MAN1A2: variants seen among roughly 807,000 people sequenced by gnomAD.
MAN1A2 encodes the protein mannosyl-oligosaccharide 1,2-alpha-mannosidase IB.
Under a neutral mutation model 75.7 loss-of-function variants are expected in MAN1A2, and 26 were observed. The observed-to-expected ratio is 0.34, with a 90% CI of 0.25 to 0.48. MAN1A2 has a LOEUF of 0.48. Ranked by LOEUF, MAN1A2 falls within the 20% of genes least tolerant of loss-of-function variation. The pLI, the probability that MAN1A2 is intolerant of heterozygous loss-of-function variation, is 0.99. For missense variants in MAN1A2, 562 were observed against 775.5 expected (o/e 0.72, Z 3.27); for synonymous variants, 247 against 264.6 (o/e 0.93, Z 0.65).
chr1:117,432,610 A>G (rs1477174955), intron 5 of MAN1A2, among the ~76,000 whole-genome samples: 1 of 152,312 alleles, frequency 6.6e-6, no homozygotes, highest in East Asian at 1.9e-4. Context: ...TATTAATTGA[A>G]TTGGTAATAA....
chr1:117,414,897 T>C (rs1647940165), intron 4 of MAN1A2, 66 bp downstream of exon 4: 13 of 955,038 alleles, frequency 1.4e-5, no homozygotes, highest in Non-Finnish European at 2.2e-5. Context: ...CTAACTGCTA[T>C]GGTCTGAACA....
rs762679101 is a variant in MAN1A2 at position 117,368,271 on chromosome 1, A to G, written c.88A>G (p.Thr30Ala). The change falls in exon 1 of 13, where the codon ACC becomes GCC. Residue 30 changes from threonine (T) to alanine (A), a missense_variant. Around this residue, in one of 2 missense-constraint regions of MAN1A2, gnomAD observed 128 missense variants for 129.8 expected, o/e 0.99. Transcript: ENST00000356554. ...GCCTTCCTTCCCACATCACAGGGCTACCTTGAGACTTTCTGAGAAGTTTAT... is the reference window on the plus strand; with the variant it reads ...GCCTTCCTTCCCACATCACAGGGCTGCCTTGAGACTTTCTGAGAAGTTTAT... Reference protein sequence around the residue: ...GPPSFPHHRATLRLSEKFILL... With the variant: ...GPPSFPHHRAALRLSEKFILL... The G allele has an allele frequency of 1.9e-6, 3 of 1,614,144 alleles. No individual in the cohort carries two copies. Among genetic ancestry groups the G allele is most frequent in the Non-Finnish European group, 2.5e-6 (3 of 1,180,028 alleles).
chr1:117,522,342 T>C (rs1457662370), intron 12 of MAN1A2, among the ~76,000 whole-genome samples: 1 of 151,898 alleles, frequency 6.6e-6, no homozygotes, highest in African/African-American at 2.4e-5. Context: ...GATTTAATGT[T>C]TGAAAATCAA....
chr1:117,503,070 T>C lies in MAN1A2; in HGVS notation c.1793+100T>C, dbSNP rs936666012. The C allele has an allele frequency of 8.5e-6, 5 of 585,398 alleles. No homozygotes were observed. The African/African-American group carries it at 9.8e-5, about 11-fold the overall frequency. The allele number at this position is 585,398 out of a possible 1,614,324, so 36.3% of individuals were successfully genotyped here. A position where few individuals can be genotyped will look rare whatever the true frequency, so the allele number is the denominator to read the frequency against. On this transcript the variant is annotated intron_variant, in intron 12 of 12. Transcript: ENST00000356554. Reference sequence around the variant, plus strand: ...ACTATGTGACAGGTTACACTAAATTTTGTTGTAAATATCTTTTTATGTAAT... The same window carrying C: ...ACTATGTGACAGGTTACACTAAATTCTGTTGTAAATATCTTTTTATGTAAT...
intron 1 of MAN1A2, among the ~76,000 whole-genome samples, chr1:117,390,732 A>G (rs961409970): frequency 1.3e-5 from 2 of 151,548 alleles, no homozygotes; most frequent in African/African-American, 2.4e-5. Context: ...TTTTCCCCCT[A>G]ATATAGATTG....
intron 6 of MAN1A2, among the ~76,000 whole-genome samples, chr1:117,458,504 TATATATAGA>T (rs1649681987): frequency 2.0e-5 from 2 of 101,826 alleles, no homozygotes; most frequent in Non-Finnish European, 3.9e-5. Flanking sequence ...TATCTATATA[TATATATAGA>T]TATATATATA....
At chr1:117,420,724 A>G in intron 5 of MAN1A2, 75 bp downstream of exon 5, 1 of 1,073,674 alleles carries the variant, frequency 9.3e-7, no homozygotes, top group East Asian at 2.4e-5. Flanking sequence ...CAATTTCCCT[A>G]GAAGCATATT....
chr1:117,434,841 A>G (rs944698894), intron 5 of MAN1A2, among the ~76,000 whole-genome samples: 1 of 150,750 alleles, frequency 6.6e-6, no homozygotes, highest in African/African-American at 2.4e-5. Context: ...CCAAGAAATA[A>G]TGGCACCTTG....
chr1:117,424,794 T>C (rs1333531407), intron 5 of MAN1A2, among the ~76,000 whole-genome samples: 1 of 152,162 alleles, frequency 6.6e-6, no homozygotes, highest in Non-Finnish European at 1.5e-5. Context: ...TCTTTGGGAT[T>C]TAGATTTCCC....
chr1:117,466,440 G>T lies in MAN1A2; in HGVS notation c.1168+13G>T, dbSNP rs1327399819. 10 of 1,492,574 alleles carry T rather than the reference G, an allele frequency of 6.7e-6. No individual in the cohort carries two copies. The highest frequency in any genetic ancestry group is 9.2e-6 in the Non-Finnish European group (10 of 1,090,840). The allele number at this position is 1,492,574 out of a possible 1,614,324, so 92.5% of individuals were successfully genotyped here. ...CGCTGGGGTCAGTGTAAGTATTCTAGTATACCTGAGGCTTTCTTAAAAAAT... is the reference window on the plus strand; with the variant it reads ...CGCTGGGGTCAGTGTAAGTATTCTATTATACCTGAGGCTTTCTTAAAAAAT... On this transcript the variant is annotated intron_variant, in intron 8 of 12. Coordinates refer to ENST00000356554, the MANE Select transcript of MAN1A2 (RefSeq NM_006699.5).
chr1:117,458,523 A>ATATATATTTTTTTTTTTTT (rs1553236643), intron 6 of MAN1A2, among the ~76,000 whole-genome samples: 1 of 105,608 alleles, frequency 9.5e-6, no homozygotes, highest in African/African-American at 3.5e-5. Flanking sequence ...ATATATATAT[A>ATATATATTTTTTTTTTTTT]TTTTTTTTTT....
At chr1:117,455,211 G>A (rs1649541287) in intron 6 of MAN1A2, among the ~76,000 whole-genome samples, 1 of 152,116 alleles carries the variant, frequency 6.6e-6, no homozygotes, top group African/African-American at 2.4e-5. Context: ...AGCAATATGG[G>A]TGAATCTCAA....
intron 12 of MAN1A2, among the ~76,000 whole-genome samples, chr1:117,521,504 T>TAATCAAAA (rs1351575985): frequency 6.6e-6 from 1 of 151,760 alleles, no homozygotes. Flanking sequence ...AGAATGGCCA[T>TAATCAAAA]AATCAAAAAA....
At chr1:117,447,904 G>A (rs1355125593) in intron 6 of MAN1A2, among the ~76,000 whole-genome samples, 2 of 152,082 alleles carry the variant, frequency 1.3e-5, no homozygotes, top group Non-Finnish European at 2.9e-5. Flanking sequence ...CTGGCTATCC[G>A]AGCTCTTTTT....
intron 5 of MAN1A2, among the ~76,000 whole-genome samples, chr1:117,431,889 G>T (rs1648683009): frequency 6.6e-6 from 1 of 152,170 alleles, no homozygotes; most frequent in South Asian, 2.1e-4. Flanking sequence ...GGTTGAGTCT[G>T]CAGTGAGCTG....
At chr1:117,413,061 C>T (rs1262544968) in intron 3 of MAN1A2, among the ~76,000 whole-genome samples, 2 of 151,974 alleles carry the variant, frequency 1.3e-5, no homozygotes, top group African/African-American at 4.8e-5. Context: ...AAAGAGAATA[C>T]ATATTCAAGA....
intron 3 of MAN1A2, among the ~76,000 whole-genome samples, chr1:117,407,670 A>G (rs1285081067): frequency 1.3e-5 from 2 of 152,236 alleles, no homozygotes; most frequent in South Asian, 2.1e-4. Context: ...TCCTCTTTAC[A>G]TGCAGATAAC....
chr1:117,415,527 A>G (rs1647963471), intron 4 of MAN1A2, among the ~76,000 whole-genome samples: 1 of 152,200 alleles, frequency 6.6e-6, no homozygotes, highest in Non-Finnish European at 1.5e-5. Context: ...CTAGACAAAA[A>G]TGGTTTACTT....
At chr1:117,474,349 A>T (rs1322844266) in intron 8 of MAN1A2, among the ~76,000 whole-genome samples, 1 of 151,428 alleles carries the variant, frequency 6.6e-6, no homozygotes, top group African/African-American at 2.4e-5. Flanking sequence ...ATAAACGTAC[A>T]ATTTCCAGTT....
Sources: gnomAD v4.1 joint callset for allele counts (sites outside exome capture counted in the v4.1 genomes callset) on GRCh38, gnomAD v4.1.1 for gene constraint, gnomAD v4.1.1 regional missense constraint, MANE v1.5 for transcripts, NCBI Gene and HGNC (gene_info 2026-07-23, HGNC 2026-07-21) for gene names.